The following PPP1R13L variants were observed in gnomAD, a reference collection of about 807,000 sequenced individuals.
PPP1R13L encodes the protein relA-associated inhibitor.
A neutral mutation model predicts 80.9 loss-of-function variants in PPP1R13L; 50 were observed. That is an observed-to-expected ratio of 0.62 (90% CI 0.49 to 0.78). The LOEUF (loss-of-function observed/expected upper bound fraction) is 0.78, where lower values mean the gene tolerates loss of function less well. Among genes scored for constraint, PPP1R13L ranks in the 30% least tolerant of loss-of-function variants. The pLI, the probability that PPP1R13L is intolerant of heterozygous loss-of-function variation, is 0.00. For synonymous variants in PPP1R13L, 602 were observed against 534.3 expected (o/e 1.13, Z -1.75); for missense variants, 1,200 against 1,205.9 (o/e 1.00, Z 0.07).
At chr19:45,399,409 G>C (rs1973185128) in intron 1 of PPP1R13L, among the ~76,000 whole-genome samples, 2 of 149,774 alleles carry the variant, frequency 1.3e-5, no homozygotes, top group African/African-American at 4.9e-5. Flanking sequence ...CGGATCACGA[G>C]GTCAGGAGAG....
chr19:45,400,243 A>T (rs1973204182), intron 1 of PPP1R13L, among the ~76,000 whole-genome samples: 1 of 151,924 alleles, frequency 6.6e-6, no homozygotes, highest in Non-Finnish European at 1.5e-5. Context: ...ACCCATTGTT[A>T]GCAAGAGGAA....
chr19:45,392,866 A>G (rs1444911966), intron 7 of PPP1R13L: 1 of 199,710 alleles, frequency 5.0e-6, no homozygotes, highest in East Asian at 1.5e-4. Context: ...GCAGGTGGAA[A>G]TAAAAATATG....
chr19:45,382,434 T>A (rs1005722625), intron 12 of PPP1R13L, 93 bp downstream of exon 12: 2 of 1,438,778 alleles, frequency 1.4e-6, no homozygotes, highest in Admixed American at 3.7e-5. Flanking sequence ...TATAACGGTT[T>A]GTTCCTGTTG....
chr19:45,393,956 C>T (rs1244511912), intron 7 of PPP1R13L, among the ~76,000 whole-genome samples: 2 of 152,004 alleles, frequency 1.3e-5, no homozygotes, highest in African/African-American at 4.8e-5. Context: ...ATTGAATCCC[C>T]GTCACAATTC....
intron 1 of PPP1R13L, 111 bp downstream of exon 1, chr19:45,404,888 C>T: frequency 3.5e-6 from 2 of 575,816 alleles, no homozygotes; most frequent in Non-Finnish European, 4.4e-6. Context: ...GGTGTCGGCG[C>T]GCCCCAAATT....
At chr19:45,397,548 C>G (rs1599776294) in intron 3 of PPP1R13L, among the ~76,000 whole-genome samples, 1 of 145,598 alleles carries the variant, frequency 6.9e-6, no homozygotes, top group East Asian at 2.0e-4. Context: ...CCTCAACCTC[C>G]CTGGCTTAGT....
At chr19:45,384,037 A>AT (rs1272909380) in intron 11 of PPP1R13L, among the ~76,000 whole-genome samples, 1 of 151,266 alleles carries the variant, frequency 6.6e-6, no homozygotes, top group African/African-American at 2.4e-5. Flanking sequence ...AAGTGCTAGG[A>AT]TTACAGGCAT....
Position 45,396,581 on chromosome 19 carries a change from C to A in PPP1R13L, c.676G>T (p.Gly226Cys). 1 of 1,504,456 alleles carries A rather than the reference C, an allele frequency of 6.6e-7. No individual in the cohort carries two copies. The highest frequency in any genetic ancestry group is 2.3e-5 in the East Asian group (1 of 43,676). The allele number at this position is 1,504,456 out of a possible 1,614,324, so 93.2% of individuals were successfully genotyped here. A position where few individuals can be genotyped will look rare whatever the true frequency, so the allele number is the denominator to read the frequency against. The change falls in exon 4 of 13, where the codon GGC (glycine) becomes TGC (cysteine). Residue 226 changes from glycine (G) to cysteine (C), a missense_variant. Physicochemically the swap from Gly to Cys is radical, Grantham distance 159 (BLOSUM62 -3). This residue lies in a region of PPP1R13L where 764 missense variants were observed against 714.5 expected (regional missense o/e 1.07). Transcript: ENST00000360957. The surrounding 1 kb of genome is among the most constrained non-coding windows in gnomAD (Gnocchi z 5.3). ...AGAGGCGGGGCGAATGCGCTGCCGC[C>A]GGAGCCTAGCAGGGAGCTCCCGAAG... is the stretch of plus-strand genomic sequence containing the variant. ...SAFGSSLLGSGGSAFAPPLRA... is the reference protein window; with the variant it reads ...SAFGSSLLGSCGSAFAPPLRA...
rs755479103 is a variant in PPP1R13L, at chr19:45,396,582, G to A, written c.675C>T (p.Ser225=). 16 of 1,505,266 alleles carry A rather than the reference G, an allele frequency of 1.1e-5. No homozygotes were observed. The Admixed American group carries it at 1.5e-4, about 15-fold the overall frequency. 93.2% of individuals were successfully genotyped at this position (1,505,266 alleles called of 1,614,324 possible). ...ASAFGSSLLG[S]GGSAFAPPLR... The stretch of plus-strand genomic sequence containing the variant: ...GAGGCGGGGCGAATGCGCTGCCGCC[G>A]GAGCCTAGCAGGGAGCTCCCGAAGG... The change falls in exon 4 of 13, where the codon TCC becomes TCT. Residue 225 remains serine (S), a synonymous_variant. Coordinates refer to ENST00000360957, the MANE Select transcript of PPP1R13L (RefSeq NM_006663.4). This position sits in a 1 kb window ranked among gnomAD's most constrained non-coding sequence, Gnocchi z 5.3.
intron 1 of PPP1R13L, among the ~76,000 whole-genome samples, chr19:45,402,528 G>A (rs994593038): frequency 3.4e-4 from 52 of 152,350 alleles, no homozygotes; most frequent in African/African-American, 8.9e-4. Context: ...CCCCCGCCAG[G>A]AGGGCGGACT....
At chr19:45,382,482 C>T (rs1056111208) in intron 12 of PPP1R13L, 45 bp downstream of exon 12, 2 of 1,587,060 alleles carry the variant, frequency 1.3e-6, no homozygotes, top group Non-Finnish European at 1.7e-6. Flanking sequence ...TTTTCCCCAA[C>T]CCCCAACTGT....
Position 45,396,824 on chromosome 19 carries a change from C to A in PPP1R13L, c.433G>T (p.Ala145Ser), listed in dbSNP as rs2123387472. ...LDRATSPRPR[A>S]FDGAGSSLGR... ...AGGGAGCTGCCTGCGCCATCGAAGGCGCGGGGCCGGGGCGAGGTCGCGCGG... is the reference window on the plus strand; with the variant it reads ...AGGGAGCTGCCTGCGCCATCGAAGGAGCGGGGCCGGGGCGAGGTCGCGCGG... Residue 145 changes from alanine (A) to serine (S), a missense_variant, in exon 4 of 13, where the codon GCC becomes TCC. By Grantham distance (99) the Ala-to-Ser change is moderately conservative. Transcript: ENST00000360957. This position sits in a 1 kb window ranked among gnomAD's most constrained non-coding sequence, Gnocchi z 5.3. The A allele has an allele frequency of 1.4e-6, 2 of 1,466,948 alleles. No individual in the cohort carries two copies. Among genetic ancestry groups the A allele is most frequent in the South Asian group, 1.3e-5 (1 of 75,052 alleles). 90.9% of individuals were successfully genotyped at this position (1,466,948 alleles called of 1,614,324 possible). A position where few individuals can be genotyped will look rare whatever the true frequency, so the allele number is the denominator to read the frequency against.
intron 8 of PPP1R13L, among the ~76,000 whole-genome samples, chr19:45,390,777 G>T (rs1599768169): frequency 6.6e-6 from 1 of 152,000 alleles, no homozygotes; most frequent in South Asian, 2.1e-4. Flanking sequence ...GTAGACAGGG[G>T]GTTTCACCAT....
Position 45,385,889 on chromosome 19 carries a change from G to C in PPP1R13L, c.2016C>G (p.Asn672Lys). ...TGATGAGGAAATCCACGATAGAGTA[G>C]TTGGCGCCGCAGATGGCGTTGTGCA... ...TALHNAICGA[N>K]YSIVDFLITA... Residue 672 changes from asparagine (N) to lysine (K), a missense_variant, in exon 10 of 13, where the codon AAC becomes AAG. Physicochemically the swap from Asn to Lys is moderately conservative, Grantham distance 94 (BLOSUM62 0). Coordinates refer to ENST00000360957, the MANE Select transcript of PPP1R13L (RefSeq NM_006663.4). The C allele has an allele frequency of 6.2e-7, 1 of 1,611,386 alleles. No individual in the cohort carries two copies. Among genetic ancestry groups the C allele is most frequent in the South Asian group, 1.1e-5 (1 of 90,696 alleles).
chr19:45,396,381 G>A lies in PPP1R13L; in HGVS notation c.768C>T (p.Asp256=). Residue 256 remains aspartate (D), a synonymous_variant, in exon 5 of 13, where the codon GAC becomes GAT. Transcript: ENST00000360957. The surrounding 1 kb of genome is among the most constrained non-coding windows in gnomAD (Gnocchi z 5.3). ...PPKAWNESDL[D]VAYEKKPSQT... Reference sequence around the variant, plus strand: ...GCGAAGGCTTCTTCTCGTACGCCACGTCCAGGTCAGACTCGTTCCAGGCTT... The same window carrying A: ...GCGAAGGCTTCTTCTCGTACGCCACATCCAGGTCAGACTCGTTCCAGGCTT... 2 of 1,614,140 alleles carry A rather than the reference G, an allele frequency of 1.2e-6. No individual in the cohort carries two copies. The highest frequency in any genetic ancestry group is 1.7e-6 in the Non-Finnish European group (2 of 1,180,006).
chr19:45,399,013 G>C (rs1333913285), intron 1 of PPP1R13L, among the ~76,000 whole-genome samples: 5 of 151,806 alleles, frequency 3.3e-5, no homozygotes, highest in Admixed American at 1.3e-4. Flanking sequence ...GCGCGATCTC[G>C]GCTCACTGCA....
Position 45,405,052 on chromosome 19 carries a change from T to C in PPP1R13L, c.-75A>G. On this transcript the variant is annotated 5_prime_UTR_variant, in exon 1 of 13. Transcript: ENST00000360957. Reference sequence around the variant, plus strand: ...GCTTCCTCCAGCTCGGGCTCCGGCTTGGGGAGCGGAGAACGGGGCGGGGCA... The same window carrying C: ...GCTTCCTCCAGCTCGGGCTCCGGCTCGGGGAGCGGAGAACGGGGCGGGGCA... 1.0e-6 allele frequency: 1 copy of C among 985,642 alleles called. No individual in the cohort carries two copies. Among genetic ancestry groups the C allele is most frequent in the Non-Finnish European group, 1.2e-6 (1 of 829,988 alleles). The allele number at this position is 985,642 out of a possible 1,614,324, so 61.1% of individuals were successfully genotyped here.
Position 45,396,444 on chromosome 19 carries a change from G to T in PPP1R13L, c.713-8C>A. The T allele has an allele frequency of 6.2e-7, 1 of 1,613,948 alleles. No homozygotes were observed. Among genetic ancestry groups the T allele is most frequent in the Non-Finnish European group, 8.5e-7 (1 of 1,179,944 alleles). ...GGCGCAGCGTCAGGTCGTCTGGGGA[G>T]AAGTTTCCAGGGAGGATGAGACGGG... On this transcript the variant is annotated splice_polypyrimidine_tract_variant and splice_region_variant and intron_variant, in intron 4 of 12. Coordinates refer to ENST00000360957, the MANE Select transcript of PPP1R13L (RefSeq NM_006663.4). This position sits in a 1 kb window ranked among gnomAD's most constrained non-coding sequence, Gnocchi z 5.3.
chr19:45,398,362 GC>G (rs752775496), intron 1 of PPP1R13L, 23 bp from the exon 2 acceptor site: 51 of 1,608,920 alleles, frequency 3.2e-5, no homozygotes, highest in Non-Finnish European at 4.2e-5. Flanking sequence ...GAGGGAGGGA[GC>G]TGGCTAAGAC....
Sources: gnomAD v4.1 joint callset for allele counts (sites outside exome capture counted in the v4.1 genomes callset) on GRCh38, gnomAD v4.1.1 for gene constraint, gnomAD v4.1.1 regional missense constraint, Gnocchi (gnomAD v3.1) non-coding constraint, MANE v1.5 for transcripts, NCBI Gene and HGNC (gene_info 2026-07-23, HGNC 2026-07-21) for gene names.